Variants in NT5C1B observed in about 807,000 individuals in gnomAD.
The protein encoded by NT5C1B is cytosolic 5'-nucleotidase 1B.
NT5C1B carries 44 observed loss-of-function variants against 57.8 expected under a neutral mutation model. The observed-to-expected ratio is 0.76, with a 90% CI of 0.60 to 0.98. NT5C1B has a LOEUF of 0.98. Ranked by LOEUF, NT5C1B falls within the 50% of genes least tolerant of loss-of-function variation. The pLI is 0.00. For missense variants in NT5C1B, 742 were observed against 719.5 expected, an observed-to-expected ratio of 1.03 and a Z score of -0.36; for synonymous variants, 284 against 282.6, an observed-to-expected ratio of 1.00 and a Z score of -0.05.
intron 6 of NT5C1B, among the ~76,000 whole-genome samples, chr2:18,578,184 A>G (rs925797780): frequency 2.0e-5 from 3 of 152,170 alleles, no homozygotes; most frequent in African/African-American, 7.2e-5. Flanking sequence ...GCCAAATTTT[A>G]CCAGACATAT....
Position 18,582,895 on chromosome 2 carries a change from G to A in NT5C1B, c.994C>T (p.Arg332Trp), listed in dbSNP as rs183534911. ...TAGTGATTGACGCTGTTTATAAGCC[G>A]CACTCCCACTTGGGCATGGTTATTA... The change falls in exon 6 of 9, where the codon CGG becomes TGG. Residue 332 changes from arginine to tryptophan, a missense_variant. Coordinates refer to ENST00000304081, the Ensembl canonical transcript of NT5C1B. The A allele has an allele frequency of 9.4e-5, 152 of 1,613,534 alleles. No homozygotes were observed. In the East Asian group the frequency reaches 2.4e-3, roughly 25 times the overall value.
chr2:18,578,934 C>A (rs1361317422), intron 6 of NT5C1B, among the ~76,000 whole-genome samples: 1 of 152,168 alleles, frequency 6.6e-6, no homozygotes, highest in Non-Finnish European at 1.5e-5. Context: ...CTGATAATAA[C>A]TTCAGCAGTT....
intron 8 of NT5C1B, among the ~76,000 whole-genome samples, chr2:18,571,073 G>C (rs961543771): frequency 2.6e-5 from 4 of 152,166 alleles, no homozygotes. Flanking sequence ...AAGATCAATG[G>C]ATAACAGTTA....
In NT5C1B at chr2:18,584,250, T is replaced by C; in HGVS notation, c.729A>G (p.Lys243=). ...GAGCAATGGTGATGGCGTTCTTGGG[T>C]TTGGGCTGCAGAGAGGGACGCCAAA... Residue 243 remains lysine, a synonymous_variant, in exon 5 of 9, where the codon AAA becomes AAG. Transcript: ENST00000304081. This position sits in a 1 kb window ranked among gnomAD's most constrained non-coding sequence, Gnocchi z 5.8. 1 of 1,613,196 alleles carries C rather than the reference T, an allele frequency of 6.2e-7. No homozygotes were observed. The highest frequency in any genetic ancestry group is 8.5e-7 in the Non-Finnish European group (1 of 1,179,486).
rs1666483923 is a variant in NT5C1B, at chr2:18,584,447, A to G, written c.723+67T>C. 6.4e-7 allele frequency: 1 copy of G among 1,562,346 alleles called. No homozygotes were observed. Among genetic ancestry groups the G allele is most frequent in the African/African-American group, 1.4e-5 (1 of 73,724 alleles). On this transcript the variant is annotated intron_variant, in intron 4 of 8. Transcript: ENST00000304081. The surrounding 1 kb of genome is among the most constrained non-coding windows in gnomAD (Gnocchi z 5.8). ...GGGAGGACCTCCCTGCGCAGTGGAGAGGAGGGCGGCTGGAAGAGGCTGCAA... is the reference window on the plus strand; with the variant it reads ...GGGAGGACCTCCCTGCGCAGTGGAGGGGAGGGCGGCTGGAAGAGGCTGCAA...
At chr2:18,579,547 C>T in intron 6 of NT5C1B, among the ~76,000 whole-genome samples, 1 of 152,142 alleles carries the variant, frequency 6.6e-6, no homozygotes, top group Non-Finnish European at 1.5e-5. Context: ...GGAAAGGACT[C>T]TGTATTCAAT....
rs140803100 is a variant in NT5C1B, at chr2:18,587,155, G to C, written c.120+348C>G. On this transcript the variant is annotated intron_variant, in intron 2 of 8. Coordinates refer to ENST00000304081, the Ensembl canonical transcript of NT5C1B. ...GGGCAACATCTCAGCGAGTGATTCG[G>C]ATTGACTGCACGCCTCATCTGAAAG... 3.3e-4 allele frequency: 527 copies of C among 1,613,586 alleles called. 2 individuals are homozygous for C. In the African/African-American group the frequency reaches 6.1e-3, roughly 19 times the overall value.
chr2:18,567,790 C>G (rs1285109752), intron 8 of NT5C1B, among the ~76,000 whole-genome samples: 1 of 152,000 alleles, frequency 6.6e-6, no homozygotes, highest in African/African-American at 2.4e-5. Flanking sequence ...TAGTAATGAC[C>G]CAAGTGTCAC....
Position 18,584,404 on chromosome 2 carries a change from A to G in NT5C1B, c.723+110T>C. 1 of 1,525,182 alleles carries G rather than the reference A, an allele frequency of 6.6e-7. No homozygotes were observed. The highest frequency in any genetic ancestry group is 8.8e-7 in the Non-Finnish European group (1 of 1,137,106). 94.5% of individuals were successfully genotyped at this position (1,525,182 alleles called of 1,614,324 possible). A position where few individuals can be genotyped will look rare whatever the true frequency, so the allele number is the denominator to read the frequency against. ...GACAGCTGAGGCTGGGACTCCCCGA[A>G]GTTTGGGGAGGAGAAGCGGGAGGAC... On this transcript the variant is annotated intron_variant, in intron 4 of 8. Transcript: ENST00000304081. This position sits in a 1 kb window ranked among gnomAD's most constrained non-coding sequence, Gnocchi z 5.8.
At chr2:18,576,462 T>G in intron 7 of NT5C1B, 94 bp from the exon 8 acceptor site, 1 of 1,461,048 alleles carries the variant, frequency 6.8e-7, no homozygotes, top group Non-Finnish European at 9.1e-7. Flanking sequence ...GACCTTATGT[T>G]TTCTCTCTAG....
intron 8 of NT5C1B, among the ~76,000 whole-genome samples, chr2:18,571,819 T>C (rs975809171): frequency 6.8e-6 from 1 of 146,562 alleles, no homozygotes; most frequent in Non-Finnish European, 1.5e-5. Context: ...AGAAATACTA[T>C]AGCCAGGTGC....
chr2:18,567,845 A>G (rs1286315917), intron 8 of NT5C1B, among the ~76,000 whole-genome samples: 1 of 152,184 alleles, frequency 6.6e-6, no homozygotes, highest in Admixed American at 6.5e-5. Context: ...TAATATCTTT[A>G]AATGTCTACT....
rs771869269 is a variant in NT5C1B at position 18,587,612 on chromosome 2, A to G, written c.31-20T>C. 1 of 1,602,008 alleles carries G rather than the reference A, an allele frequency of 6.2e-7. No homozygotes were observed. Among genetic ancestry groups the G allele is most frequent in the East Asian group, 2.2e-5 (1 of 44,846 alleles). On this transcript the variant is annotated intron_variant, in intron 1 of 8. Coordinates refer to ENST00000304081, the Ensembl canonical transcript of NT5C1B. ...CTCATTCTTGACAAGGAAACAAAGA[A>G]TGTTTATTAATTTTTAATCTCAGGG...
exon 9 of NT5C1B, chr2:18,563,577 G>C (rs559177059): frequency 6.9e-6 from 3 of 435,490 alleles, no homozygotes; most frequent in Non-Finnish European, 1.2e-5. Context: ...ACAGAGATAG[G>C]TGTAATGGCA....
At chr2:18,587,257 G>T in intron 2 of NT5C1B, 1 of 1,512,696 alleles carries the variant, frequency 6.6e-7, no homozygotes. Context: ...TCTCCCCCCT[G>T]TGTAGGCTGA....
chr2:18,564,971 A>G (rs961524787), intron 8 of NT5C1B, among the ~76,000 whole-genome samples: 5 of 152,298 alleles, frequency 3.3e-5, no homozygotes, highest in Admixed American at 3.3e-4. Flanking sequence ...ATTATTCTTC[A>G]TAATGAGAAA....
At chr2:18,565,059 T>G (rs915574558) in intron 8 of NT5C1B, among the ~76,000 whole-genome samples, 3 of 152,202 alleles carry the variant, frequency 2.0e-5, no homozygotes, top group African/African-American at 7.2e-5. Flanking sequence ...GTCATTTATT[T>G]ACTTTTCCTT....
At chr2:18,571,951 T>A (rs1269102278) in intron 8 of NT5C1B, among the ~76,000 whole-genome samples, 1 of 149,842 alleles carries the variant, frequency 6.7e-6, no homozygotes, top group East Asian at 2.0e-4. Context: ...CTGGGTGTGG[T>A]GGTGGGTGCC....
rs76590547 is a variant in NT5C1B, at chr2:18,569,336, G to A, written c.1330-5217C>T. The stretch of plus-strand genomic sequence containing the variant: ...AAAAAGAAAAGAAAAAGGGGACTAA[G>A]AACAGTTGGAACACAGAAAAAACAT... On this transcript the variant is annotated intron_variant, in intron 8 of 8. Transcript: ENST00000304081. 7.0e-3 allele frequency among the ~76,000 whole-genome samples: 1,062 copies of A among 152,126 alleles called. 13 individuals are homozygous for A. Among genetic ancestry groups the A allele is most frequent in the African/African-American group, 0.024 (1,015 of 41,518 alleles).
Sources: gnomAD v4.1 joint callset for allele counts (sites outside exome capture counted in the v4.1 genomes callset) on GRCh38, gnomAD v4.1.1 for gene constraint, Gnocchi (gnomAD v3.1) non-coding constraint, MANE v1.5 for transcripts, NCBI Gene and HGNC (gene_info 2026-07-23, HGNC 2026-07-21) for gene names.